The following CRAMP1 variants were observed in gnomAD, a reference collection of about 807,000 sequenced individuals.
CRAMP1 encodes cramped chromatin regulator 1, also known as protein cramped-like.
Under a neutral mutation model 115.4 loss-of-function variants are expected in CRAMP1, and 50 were observed. The observed-to-expected ratio is 0.43, with a 90% confidence interval of 0.35 to 0.55. CRAMP1 has a LOEUF of 0.55. Among genes scored for constraint, CRAMP1 ranks in the 20% least tolerant of loss-of-function variants. The probability of loss-of-function intolerance (pLI) is 0.01; values close to 1 mark genes in which losing one functional copy is unlikely to be tolerated. For synonymous variants in CRAMP1, 866 were observed against 745.4 expected, an observed-to-expected ratio of 1.16 and a Z score of -2.64; for missense variants, 1,679 against 1,721.7, an observed-to-expected ratio of 0.98 and a Z score of 0.44.
chr16:1,652,438 C>A, intron 6 of CRAMP1, 58 bp from the exon 7 acceptor site: 1 of 1,462,296 alleles, frequency 6.8e-7, no homozygotes, highest in Non-Finnish European at 9.3e-7. Flanking sequence ...GTGTGCTGGC[C>A]CTTCCGTCCT....
intron 2 of CRAMP1, among the ~76,000 whole-genome samples, chr16:1,618,302 A>G (rs976591083): frequency 1.3e-5 from 2 of 152,218 alleles, no homozygotes; most frequent in Admixed American, 6.5e-5. Context: ...AAATAAATAT[A>G]AAAATAAACA....
At position 1,646,067 on chromosome 16, in the gene CRAMP1, G is replaced by A. The variant is rs531411813; in HGVS notation, c.827+4880G>A. ...GATGGGCGTCCCCACTCAGCAGTAT[G>A]CCCTCGAGGCTCTTCCGTGTTGACT... is the stretch of plus-strand genomic sequence containing the variant. On this transcript the variant is annotated intron_variant, in intron 6 of 20. Coordinates refer to ENST00000397412, the MANE Select transcript of CRAMP1 (RefSeq NM_020825.4). Among the ~76,000 whole-genome samples, 3 of 152,302 alleles carry A rather than the reference G, an allele frequency of 2.0e-5. No individual in the cohort carries two copies. The East Asian group carries it at 5.8e-4, about 29-fold the overall frequency.
In CRAMP1 at chr16:1,656,492, T is replaced by A. The variant is rs1446567699; in HGVS notation, c.1735T>A (p.Cys579Ser). 2 of 1,575,066 alleles carry A rather than the reference T, an allele frequency of 1.3e-6. No individual in the cohort carries two copies. Among genetic ancestry groups the A allele is most frequent in the Non-Finnish European group, 1.7e-6 (2 of 1,161,110 alleles). The change falls in exon 10 of 21, where the codon TGT becomes AGT. Residue 579 changes from cysteine to serine, a missense_variant. Cys to Ser is a moderately radical substitution (Grantham distance 112, BLOSUM62 -1). Around this residue, in one of 8 missense-constraint regions of CRAMP1, gnomAD observed 405 missense variants for 302.6 expected, o/e 1.34. Coordinates refer to ENST00000397412, the MANE Select transcript of CRAMP1 (RefSeq NM_020825.4). This position sits in a 1 kb window ranked among gnomAD's most constrained non-coding sequence, Gnocchi z 5.6. ...CCTCATTGTCCCCGAGCAGTGCCGC[T>A]GTGCGGACACACGGCCTGGGAGCGA... The part of the protein sequence containing the change: ...QDLIVPEQCR[C>S]ADTRPGSEQP...
intron 2 of CRAMP1, among the ~76,000 whole-genome samples, chr16:1,622,329 A>G (rs1053413636): frequency 2.0e-5 from 3 of 152,210 alleles, no homozygotes; most frequent in Non-Finnish European, 4.4e-5. Flanking sequence ...CCTGAGCAAC[A>G]TGGTGAAACC....
chr16:1,657,885 C>T (rs764458906), intron 10 of CRAMP1, among the ~76,000 whole-genome samples: 2 of 152,184 alleles, frequency 1.3e-5, no homozygotes, highest in Non-Finnish European at 2.9e-5. Context: ...AAAGGATGGA[C>T]TGGGCAGGAG....
intron 6 of CRAMP1, chr16:1,645,394 G>A (rs9928010): frequency 1.4e-5 from 3 of 216,984 alleles, no homozygotes; most frequent in Non-Finnish European, 2.0e-5. Context: ...CACCATGTTG[G>A]CCAGGCTGGT....
At position 1,637,755 on chromosome 16, in the gene CRAMP1, C is replaced by T. The variant is rs528487889; in HGVS notation, c.695-69C>T. ...AAGAAACCACGTGAGCCTGGTGTGG[C>T]TCTCACACCCAAGCCAGGCAGCGCC... On this transcript the variant is annotated intron_variant, in intron 4 of 20. Transcript: ENST00000397412. 1.0e-4 allele frequency: 70 copies of T among 702,530 alleles called. No homozygotes were observed. The African/African-American group carries it at 1.1e-3, about 11-fold the overall frequency. 43.5% of individuals were successfully genotyped at this position (702,530 alleles called of 1,614,324 possible).
At position 1,614,242 on chromosome 16, in the gene CRAMP1, G is replaced by A. The variant is rs916860699; in HGVS notation, c.-1-397G>A. Among the ~76,000 whole-genome samples, 11 of 147,382 alleles carry A rather than the reference G, an allele frequency of 7.5e-5. No homozygotes were observed. The highest frequency in any genetic ancestry group is 2.4e-4 in the African/African-American group (10 of 40,926). ...CCGCGGCCCCGCCGGGTAGGTGGCT[G>A]TGGGCGGGGCAGCGGCCCGGACCCG... On this transcript the variant is annotated intron_variant, in intron 1 of 20. Transcript: ENST00000397412. The surrounding 1 kb of genome is among the most constrained non-coding windows in gnomAD (Gnocchi z 4.4).
At chr16:1,627,857 G>A (rs898017138) in intron 3 of CRAMP1, among the ~76,000 whole-genome samples, 3 of 152,136 alleles carry the variant, frequency 2.0e-5, no homozygotes, top group African/African-American at 7.2e-5. Flanking sequence ...GCGATTCCTG[G>A]AATGTTTTCA....
intron 6 of CRAMP1, among the ~76,000 whole-genome samples, chr16:1,651,428 G>C (rs368072374): frequency 1.5e-3 from 223 of 151,260 alleles, no homozygotes; most frequent in African/African-American, 5.1e-3. Context: ...AGGTCACCTA[G>C]AGGTGAATTG....
At chr16:1,649,499 A>AT (rs1208800313) in intron 6 of CRAMP1, among the ~76,000 whole-genome samples, 3 of 151,282 alleles carry the variant, frequency 2.0e-5, no homozygotes, top group Admixed American at 2.0e-4. Flanking sequence ...TTATTTTTTT[A>AT]TTTTTTTTGA....
chr16:1,658,809 G>A (rs927625871), intron 10 of CRAMP1, among the ~76,000 whole-genome samples: 20 of 152,192 alleles, frequency 1.3e-4, no homozygotes, highest in Non-Finnish European at 2.5e-4. Context: ...GTGAGCAGAC[G>A]GGCAGGGCTG....
At chr16:1,655,775 G>T in intron 9 of CRAMP1, 102 bp from the exon 10 acceptor site, 2 of 1,314,588 alleles carry the variant, frequency 1.5e-6, no homozygotes, top group East Asian at 2.4e-5. Context: ...TATACCCTGG[G>T]GGATGCCAGT....
At position 1,624,159 on chromosome 16, in the gene CRAMP1, C is replaced by CT. The variant is rs1215391542; in HGVS notation, c.347-1803dup. Among the ~76,000 whole-genome samples the CT allele has an allele frequency of 2.8e-3, 401 of 142,560 alleles. 1 individual carries two copies. The highest frequency in any genetic ancestry group is 8.7e-3 in the African/African-American group (338 of 39,004). The allele number at this position is 142,560 out of a possible 152,430, so 93.5% of individuals were successfully genotyped here. On this transcript the variant is annotated intron_variant, in intron 2 of 20. Coordinates refer to ENST00000397412, the MANE Select transcript of CRAMP1 (RefSeq NM_020825.4). ...GTTTTTTTTTTTTCTTTTTTAAGTT[C>CT]TTTTTTTTTTTAAGCCTGAGTCTCA... is the stretch of plus-strand genomic sequence containing the variant.
rs935816425 is a variant in CRAMP1 at position 1,614,277 on chromosome 16, C to T, written c.-1-362C>T. Among the ~76,000 whole-genome samples the T allele has an allele frequency of 1.1e-4, 16 of 146,136 alleles. No homozygotes were observed. The highest frequency in any genetic ancestry group is 2.3e-4 in the Non-Finnish European group (15 of 65,468). On this transcript the variant is annotated intron_variant, in intron 1 of 20. Coordinates refer to ENST00000397412, the MANE Select transcript of CRAMP1 (RefSeq NM_020825.4). The surrounding 1 kb of genome is among the most constrained non-coding windows in gnomAD (Gnocchi z 4.4). ...CAGCGGCCCGGACCCGCAACCGTGC[C>T]CAGACCCGCGCCCGCGCCGGGGCTC...
chr16:1,619,423 C>T (rs773421876), intron 2 of CRAMP1, among the ~76,000 whole-genome samples: 55 of 152,122 alleles, frequency 3.6e-4, no homozygotes, highest in Non-Finnish European at 5.9e-4. Flanking sequence ...TCAGGTGATC[C>T]GCCTGCCTCG....
In CRAMP1 at chr16:1,655,206, G is replaced by A; in HGVS notation, c.1038-13G>A. ...CTGCGAACCTCACTTCCTCCTGTCTGTCGTCTCCGTAGGATGATCGTGGAG... is the reference window on the plus strand; with the variant it reads ...CTGCGAACCTCACTTCCTCCTGTCTATCGTCTCCGTAGGATGATCGTGGAG... On this transcript the variant is annotated splice_polypyrimidine_tract_variant and intron_variant, in intron 8 of 20. Coordinates refer to ENST00000397412, the MANE Select transcript of CRAMP1 (RefSeq NM_020825.4). The A allele has an allele frequency of 7.4e-6, 12 of 1,611,258 alleles. No homozygotes were observed. The highest frequency in any genetic ancestry group is 1.0e-5 in the Non-Finnish European group (12 of 1,177,342).
At chr16:1,631,118 A>G (rs2142177355) in intron 3 of CRAMP1, among the ~76,000 whole-genome samples, 1 of 152,294 alleles carries the variant, frequency 6.6e-6, no homozygotes, top group African/African-American at 2.4e-5. Context: ...GTTTGCTCCC[A>G]GTGAGGACCT....
chr16:1,615,115 T>C, intron 2 of CRAMP1, 130 bp downstream of exon 2: 1 of 450,200 alleles, frequency 2.2e-6, no homozygotes, highest in African/African-American at 2.0e-5. Flanking sequence ...AGGCTCTCAA[T>C]TTGGGTGGCA....
Sources: allele counts gnomAD v4.1 joint callset (sites outside exome capture counted in the v4.1 genomes callset), GRCh38; gene constraint gnomAD v4.1.1; regional missense constraint gnomAD v4.1.1; non-coding constraint Gnocchi (gnomAD v3.1); transcripts MANE v1.5; gene names NCBI Gene and HGNC (gene_info 2026-07-23, HGNC 2026-07-21).